Variants in CELF4 observed in about 807,000 individuals in gnomAD.
CELF4 encodes CUGBP Elav-like family member 4, also known as CUG-BP- and ETR-3-like factor 4.
In CELF4, 18 loss-of-function variants were observed where a neutral mutation model predicts 59.9. That is an observed-to-expected ratio of 0.30 (90% CI 0.21 to 0.45). The LOEUF (loss-of-function observed/expected upper bound fraction) is 0.45. CELF4 is among the 20% of genes least tolerant of loss of function. The pLI is 1.00. For synonymous variants in CELF4, 261 were observed against 267.1 expected (o/e 0.98, Z 0.22); for missense variants, 456 against 689.0 (o/e 0.66, Z 3.79).
At chr18:37,496,279 C>T (rs569574315) in intron 1 of CELF4, among the ~76,000 whole-genome samples, 171 of 152,302 alleles carry the variant, frequency 1.1e-3, no homozygotes, top group Non-Finnish European at 2.1e-3. Flanking sequence ...TAGACCACAG[C>T]GCCCAGGGCT....
chr18:37,479,333 C>A (rs1041759866), intron 2 of CELF4, among the ~76,000 whole-genome samples: 22 of 152,236 alleles, frequency 1.4e-4, no homozygotes, highest in African/African-American at 4.8e-4. Context: ...CACTGTCCCA[C>A]CTTCTACCCA....
intron 2 of CELF4, among the ~76,000 whole-genome samples, chr18:37,333,659 C>T (rs998449423): frequency 6.6e-6 from 1 of 151,776 alleles, no homozygotes; most frequent in Non-Finnish European, 1.5e-5. Context: ...TCCACCCTGC[C>T]CCAGCTCTGC....
intron 2 of CELF4, among the ~76,000 whole-genome samples, chr18:37,392,200 G>A (rs1048282089): frequency 5.3e-5 from 8 of 152,220 alleles, no homozygotes; most frequent in Non-Finnish European, 1.2e-4. Context: ...GGGAAGAGCT[G>A]TGAGCTGGTG....
intron 2 of CELF4, among the ~76,000 whole-genome samples, chr18:37,455,467 G>C (rs543396567): frequency 1.3e-5 from 2 of 152,302 alleles, no homozygotes; most frequent in South Asian, 2.1e-4. Context: ...GCACAGCCAA[G>C]GCCTGGGCTG....
chr18:37,510,316 C>T (rs546252216), intron 1 of CELF4, among the ~76,000 whole-genome samples: 9 of 152,288 alleles, frequency 5.9e-5, no homozygotes, highest in East Asian at 1.9e-4. Context: ...TCAACCTGGC[C>T]GAATGTTACT....
chr18:37,552,680 T>A (rs1485260848), intron 1 of CELF4, among the ~76,000 whole-genome samples: 1 of 152,196 alleles, frequency 6.6e-6, no homozygotes, highest in African/African-American at 2.4e-5. Context: ...ACCAAAGCCC[T>A]GGTGATGGCA....
At position 37,471,220 on chromosome 18, in the gene CELF4, G is replaced by T. The variant is rs569746257; in HGVS notation, c.369+14305C>A. 5.7e-4 allele frequency among the ~76,000 whole-genome samples: 86 copies of T among 152,210 alleles called. 1 individual carries two copies. The South Asian group carries it at 6.6e-3, about 12-fold the overall frequency. On this transcript the variant is annotated intron_variant, in intron 2 of 12. Transcript: ENST00000420428. ...GGCTGCTCCTGGAAAGGGGGACTGAGGCAGGCTCTCCACTGGCCTCAGCTC... is the reference window on the plus strand; with the variant it reads ...GGCTGCTCCTGGAAAGGGGGACTGATGCAGGCTCTCCACTGGCCTCAGCTC...
intron 1 of CELF4, among the ~76,000 whole-genome samples, chr18:37,542,861 C>T (rs377682787): frequency 6.6e-6 from 1 of 152,128 alleles, no homozygotes; most frequent in Non-Finnish European, 1.5e-5. Flanking sequence ...GAATGAAATG[C>T]CTTGCCCCTG....
chr18:37,556,095 C>A (rs1199546372), intron 1 of CELF4, among the ~76,000 whole-genome samples: 1 of 152,122 alleles, frequency 6.6e-6, no homozygotes, highest in East Asian at 1.9e-4. Context: ...AGCGTTTGAT[C>A]TTTAGATGCC....
At chr18:37,437,703 A>G (rs1218620676) in intron 2 of CELF4, among the ~76,000 whole-genome samples, 1 of 152,122 alleles carries the variant, frequency 6.6e-6, no homozygotes, top group African/African-American at 2.4e-5. Context: ...GGCTGCCTCT[A>G]TTTCCCAGTA....
chr18:37,353,258 G>C (rs1247527849), intron 2 of CELF4, among the ~76,000 whole-genome samples: 1 of 128,458 alleles, frequency 7.8e-6, no homozygotes, highest in African/African-American at 2.8e-5. Context: ...ATACATAAAA[G>C]ACCCTTTCTT....
At chr18:37,439,441 C>T (rs542171688) in intron 2 of CELF4, among the ~76,000 whole-genome samples, 1 of 152,068 alleles carries the variant, frequency 6.6e-6, no homozygotes, top group Non-Finnish European at 1.5e-5. Flanking sequence ...ATGTGTGCGT[C>T]TGAAATACTG....
chr18:37,273,330 A>G (rs931304551), intron 6 of CELF4, 167 bp from the exon 7 acceptor site: 1 of 1,421,416 alleles, frequency 7.0e-7, no homozygotes, highest in Non-Finnish European at 9.2e-7. Context: ...CTGTACCTCA[A>G]CAGCTATTAG....
At chr18:37,359,100 AAAAAC>A (rs1045803112) in intron 2 of CELF4, among the ~76,000 whole-genome samples, 6 of 150,762 alleles carry the variant, frequency 4.0e-5, no homozygotes, top group African/African-American at 9.7e-5. Flanking sequence ...TGTCTCCAAA[AAAAAC>A]AAAACAAAAC....
intron 2 of CELF4, among the ~76,000 whole-genome samples, chr18:37,348,681 AAACAACAAC>A (rs1024900532): frequency 2.6e-5 from 4 of 151,818 alleles, no homozygotes; most frequent in Non-Finnish European, 5.9e-5. Context: ...CTATCCTCCA[AAACAACAAC>A]AACAACAACA....
intron 3 of CELF4, among the ~76,000 whole-genome samples, chr18:37,310,684 C>G (rs1281939678): frequency 6.6e-6 from 1 of 152,224 alleles, no homozygotes; most frequent in Non-Finnish European, 1.5e-5. Context: ...CCCTGCCATT[C>G]CCGTGTTTTA....
chr18:37,365,347 A>C (rs1393049488), intron 2 of CELF4, among the ~76,000 whole-genome samples: 1 of 152,130 alleles, frequency 6.6e-6, no homozygotes, highest in Non-Finnish European at 1.5e-5. Flanking sequence ...AGTGAACATA[A>C]TGAAACCTCA....
At chr18:37,475,793 C>A (rs11874426) in intron 2 of CELF4, among the ~76,000 whole-genome samples, 2 of 152,068 alleles carry the variant, frequency 1.3e-5, no homozygotes, top group Non-Finnish European at 2.9e-5. Flanking sequence ...CCTGTTCTCA[C>A]TCCCAATTCC....
intron 2 of CELF4, among the ~76,000 whole-genome samples, chr18:37,324,610 G>C (rs1424227646): frequency 6.6e-6 from 1 of 152,150 alleles, no homozygotes; most frequent in Non-Finnish European, 1.5e-5. Flanking sequence ...AGTTCATGAA[G>C]CCTGGTTGGT....
Sources: gnomAD v4.1 joint callset for allele counts (sites outside exome capture counted in the v4.1 genomes callset) on GRCh38, gnomAD v4.1.1 for gene constraint, MANE v1.5 for transcripts, NCBI Gene and HGNC (gene_info 2026-07-23, HGNC 2026-07-21) for gene names.